Variants in DOCK4 observed in about 807,000 individuals in gnomAD.
The protein encoded by DOCK4 is dedicator of cytokinesis 4, also known as dedicator of cytokinesis protein 4.
DOCK4 carries 97 observed loss-of-function variants against 268.1 expected under a neutral mutation model. The ratio of observed to expected loss-of-function variants is 0.36; its 90% CI spans 0.31 to 0.43. The LOEUF is 0.43. Ranked by LOEUF, DOCK4 falls within the 20% of genes least tolerant of loss-of-function variation. The pLI, the probability that DOCK4 is intolerant of heterozygous loss-of-function variation, is 1.00. For synonymous variants in DOCK4, 954 were observed against 887.2 expected (o/e 1.08, Z -1.34); for missense variants, 2,145 against 2,455.7 (o/e 0.87, Z 2.67).
In DOCK4 at chr7:111,964,658, C is replaced by T. The variant is rs1481063693; in HGVS notation, c.701+12474G>A. 2.4e-3 allele frequency among the ~76,000 whole-genome samples: 324 copies of T among 134,714 alleles called. 4 individuals carry two copies. The highest frequency in any genetic ancestry group is 9.5e-3 in the African/African-American group (314 of 33,092). 88.4% of individuals were successfully genotyped at this position (134,714 alleles called of 152,430 possible). A position where few individuals can be genotyped will look rare whatever the true frequency, so the allele number is the denominator to read the frequency against. Reference sequence around the variant, plus strand: ...AGGATATTATCAAGGAGAACTTCCCCAATCTAGCAAGGCAGGCCAACGTTC... The same window carrying T: ...AGGATATTATCAAGGAGAACTTCCCTAATCTAGCAAGGCAGGCCAACGTTC... On this transcript the variant is annotated intron_variant, in intron 8 of 52. Coordinates refer to ENST00000428084, the MANE Select transcript of DOCK4 (RefSeq NM_001363540.2).
chr7:111,869,972 G>A (rs1348411846), intron 20 of DOCK4, among the ~76,000 whole-genome samples: 2 of 152,154 alleles, frequency 1.3e-5, no homozygotes. Context: ...CAGTGTGAGT[G>A]CCATGGTCAA....
intron 13 of DOCK4, among the ~76,000 whole-genome samples, chr7:111,904,344 TAATA>T (rs1228806261): frequency 1.3e-5 from 2 of 152,202 alleles, no homozygotes; most frequent in African/African-American, 4.8e-5. Flanking sequence ...TGTAAGTCCT[TAATA>T]AATACATAAA....
chr7:111,750,008 A>G (rs1796528211), intron 42 of DOCK4, among the ~76,000 whole-genome samples: 1 of 152,206 alleles, frequency 6.6e-6, no homozygotes, highest in African/African-American at 2.4e-5. Flanking sequence ...AAGATATGTG[A>G]TAGAGTGTTC....
chr7:112,076,914 T>G (rs1808117712), intron 1 of DOCK4, among the ~76,000 whole-genome samples: 1 of 152,058 alleles, frequency 6.6e-6, no homozygotes, highest in Non-Finnish European at 1.5e-5. Context: ...TATTTTCCAA[T>G]AGCATAAAAC....
At chr7:111,953,198 G>A (rs1796191200) in intron 8 of DOCK4, among the ~76,000 whole-genome samples, 1 of 136,654 alleles carries the variant, frequency 7.3e-6, no homozygotes, top group South Asian at 2.3e-4. Context: ...AACAGAATGA[G>A]ACCTTGTCTT....
intron 1 of DOCK4, among the ~76,000 whole-genome samples, chr7:112,204,737 T>C (rs1821231267): frequency 6.6e-6 from 1 of 151,646 alleles, no homozygotes; most frequent in African/African-American, 2.4e-5. Flanking sequence ...CCAGGCAAAG[T>C]TGGGAAAAAA....
At chr7:111,869,707 T>C (rs1156535979) in intron 20 of DOCK4, 52 bp from the exon 21 acceptor site, 3 of 1,500,044 alleles carry the variant, frequency 2.0e-6, no homozygotes, top group Non-Finnish European at 2.8e-6. Flanking sequence ...AATTCTCAAT[T>C]AAATGCCAAC....
At chr7:112,130,607 A>G (rs946119905) in intron 1 of DOCK4, among the ~76,000 whole-genome samples, 2 of 152,178 alleles carry the variant, frequency 1.3e-5, no homozygotes, top group Non-Finnish European at 2.9e-5. Context: ...ATAATACACA[A>G]ATTATAAAGG....
rs774923345 is a variant in DOCK4 at position 111,746,349 on chromosome 7, C to T, written c.4662G>A (p.Glu1554=). The change falls in exon 44 of 53, where the codon GAG becomes GAA. Residue 1554 remains glutamate (E), a synonymous_variant. Transcript: ENST00000428084. ...CTTCCCTTACCTGCTCAAGCATCAG[C>T]TCTCTTAATCGTGCAATTTTCTCCC... ...EDGEKIARLR[E]LMLEQAQILE... The T allele has an allele frequency of 3.1e-6, 5 of 1,612,668 alleles. No homozygotes were observed. The African/African-American group carries it at 6.7e-5, about 22-fold the overall frequency.
At chr7:112,045,669 T>A (rs928637517) in intron 1 of DOCK4, among the ~76,000 whole-genome samples, 2 of 152,208 alleles carry the variant, frequency 1.3e-5, no homozygotes, top group Non-Finnish European at 1.5e-5. Flanking sequence ...AAGATAGTAA[T>A]TGCCCAATAA....
At chr7:112,091,150 A>G (rs1452572645) in intron 1 of DOCK4, among the ~76,000 whole-genome samples, 1 of 152,160 alleles carries the variant, frequency 6.6e-6, no homozygotes, top group Non-Finnish European at 1.5e-5. Context: ...CTAGGGCCCC[A>G]CTCACATTGC....
chr7:111,833,541 CA>C (rs111895639), intron 26 of DOCK4, among the ~76,000 whole-genome samples: 4,459 of 138,262 alleles, frequency 0.032, 230 homozygotes, highest in African/African-American at 0.1. Flanking sequence ...AACCCTGCCT[CA>C]AAAAAAAAAA....
chr7:111,911,123 T>C (rs1792061532), intron 13 of DOCK4, among the ~76,000 whole-genome samples: 1 of 152,212 alleles, frequency 6.6e-6, no homozygotes, highest in African/African-American at 2.4e-5. Flanking sequence ...GGTATAATCA[T>C]GTGCCTCACC....
At chr7:112,159,334 T>C (rs1051774150) in intron 1 of DOCK4, among the ~76,000 whole-genome samples, 2 of 151,788 alleles carry the variant, frequency 1.3e-5, no homozygotes, top group Non-Finnish European at 2.9e-5. Flanking sequence ...TCTGCAGCAG[T>C]CCCTCAACCC....
At chr7:112,198,187 T>C (rs1448678493) in intron 1 of DOCK4, among the ~76,000 whole-genome samples, 2 of 151,952 alleles carry the variant, frequency 1.3e-5, no homozygotes, top group Non-Finnish European at 2.9e-5. Context: ...ATGATGGGAT[T>C]CGTGACCTTA....
chr7:112,126,378 A>C (rs13227171), intron 1 of DOCK4, among the ~76,000 whole-genome samples: 45,670 of 152,030 alleles, frequency 0.3, 7,865 homozygotes, highest in East Asian at 0.42. Flanking sequence ...TACAGTTAAA[A>C]TGGGTAAGAG....
At chr7:112,017,969 G>A (rs947455212) in intron 1 of DOCK4, among the ~76,000 whole-genome samples, 9 of 151,600 alleles carry the variant, frequency 5.9e-5, no homozygotes, top group Admixed American at 5.9e-4. Context: ...GGTGGATCAC[G>A]AGGTCAGGAG....
intron 1 of DOCK4, among the ~76,000 whole-genome samples, chr7:112,039,865 C>T (rs372257526): frequency 3.9e-4 from 59 of 152,250 alleles, no homozygotes; most frequent in African/African-American, 1.3e-3. Flanking sequence ...TCAAATTATT[C>T]CTATAACTTT....
At chr7:111,951,380 TATTAG>T (rs761582442) in intron 8 of DOCK4, among the ~76,000 whole-genome samples, 13 of 152,002 alleles carry the variant, frequency 8.6e-5, no homozygotes, top group Non-Finnish European at 1.8e-4. Flanking sequence ...AGCTAGGAGA[TATTAG>T]ATAAGTTGGC....
Sources: gnomAD v4.1 joint callset for allele counts (sites outside exome capture counted in the v4.1 genomes callset) on GRCh38, gnomAD v4.1.1 for gene constraint, MANE v1.5 for transcripts, NCBI Gene and HGNC (gene_info 2026-07-23, HGNC 2026-07-21) for gene names.